The following RBM26 variants were observed in gnomAD, a reference collection of about 807,000 sequenced individuals.
RBM26 encodes the protein RNA-binding protein 26.
In RBM26, 30 loss-of-function variants were observed where a neutral mutation model predicts 123.6. That is an observed-to-expected ratio of 0.24 (90% CI 0.18 to 0.33). The LOEUF (loss-of-function observed/expected upper bound fraction) is 0.33, where lower values mean the gene tolerates loss of function less well. Ranked by LOEUF, RBM26 falls within the 10% of genes least tolerant of loss-of-function variation. RBM26 has a pLI of 1.00. For synonymous variants in RBM26, 400 were observed against 404.4 expected, an observed-to-expected ratio of 0.99 and a Z score of 0.13; for missense variants, 947 against 1,203.6, an observed-to-expected ratio of 0.79 and a Z score of 3.15.
intron 1 of RBM26, among the ~76,000 whole-genome samples, chr13:79,392,066 A>G (rs1214622435): frequency 1.4e-5 from 2 of 138,938 alleles, no homozygotes; most frequent in Admixed American, 1.5e-4. Flanking sequence ...ATAATTATGT[A>G]TTATACAATA....
chr13:79,328,033 G>A (rs2138614446), intron 20 of RBM26, among the ~76,000 whole-genome samples: 1 of 152,246 alleles, frequency 6.6e-6, no homozygotes, highest in South Asian at 2.1e-4. Flanking sequence ...TGAAGAACTT[G>A]AAAGACAATG....
chr13:79,345,916 T>A (rs1334925296), intron 14 of RBM26, among the ~76,000 whole-genome samples: 1 of 151,844 alleles, frequency 6.6e-6, no homozygotes, highest in Non-Finnish European at 1.5e-5. Context: ...TTCCACGGGG[T>A]GACTGGTTAC....
At chr13:79,373,941 AG>A (rs1437346978) in intron 3 of RBM26, among the ~76,000 whole-genome samples, 3 of 139,186 alleles carry the variant, frequency 2.2e-5, no homozygotes, top group Non-Finnish European at 1.5e-5. Flanking sequence ...CCTCAACAAC[AG>A]GAACGACAGG....
chr13:79,353,200 C>A lies in RBM26; in HGVS notation c.2011G>T (p.Asp671Tyr), dbSNP rs764000941. 1.3e-5 allele frequency: 21 copies of A among 1,587,440 alleles called. No individual in the cohort carries two copies. The highest frequency in any genetic ancestry group is 1.7e-5 in the Admixed American group (1 of 57,634). Residue 671 changes from aspartate to tyrosine, a missense_variant, in exon 14 of 22, where the codon GAC (aspartate) becomes TAC (tyrosine). Transcript: ENST00000438737. The part of the protein sequence containing the change: ...PQNVTKLSVK[D>Y]RLGFVSKPSV... ...GGCTTTGATACAAAACCCAACCTGT[C>A]CTTCACAGATAACTTAGTTACATTC...
chr13:79,334,256 A>G, intron 20 of RBM26, 88 bp downstream of exon 20: 1 of 710,436 alleles, frequency 1.4e-6, no homozygotes, highest in Non-Finnish European at 2.3e-6. Flanking sequence ...ATTATTTAGT[A>G]AGTTAAAAAA....
intron 6 of RBM26, among the ~76,000 whole-genome samples, chr13:79,367,447 A>C (rs2075413379): frequency 1.3e-5 from 2 of 148,724 alleles, no homozygotes; most frequent in Non-Finnish European, 3.0e-5. Context: ...AAGAAGAGGC[A>C]AAAGAGAGAA....
chr13:79,337,411 C>G (rs922114290), intron 18 of RBM26, 109 bp from the exon 19 acceptor site: 1 of 1,223,348 alleles, frequency 8.2e-7, no homozygotes, highest in Non-Finnish European at 1.2e-6. Context: ...ACAATGTATT[C>G]AAATGCCCTA....
At chr13:79,399,499 A>G (rs1247830487) in intron 1 of RBM26, among the ~76,000 whole-genome samples, 1 of 152,222 alleles carries the variant, frequency 6.6e-6, no homozygotes, top group African/African-American at 2.4e-5. Context: ...CTTTGCTGAA[A>G]TTAAGACTCA....
intron 1 of RBM26, among the ~76,000 whole-genome samples, chr13:79,402,191 C>T (rs1384048607): frequency 6.6e-6 from 1 of 151,644 alleles, no homozygotes; most frequent in Non-Finnish European, 1.5e-5. Context: ...AGAAAAAAGA[C>T]TAACATTTAG....
chr13:79,379,586 T>C (rs1391309183), intron 1 of RBM26, among the ~76,000 whole-genome samples: 1 of 151,656 alleles, frequency 6.6e-6, no homozygotes, highest in Non-Finnish European at 1.5e-5. Context: ...GCAGTTGCCT[T>C]TTACAAAATA....
At chr13:79,373,835 A>G (rs1056898302) in intron 3 of RBM26, among the ~76,000 whole-genome samples, 1 of 148,064 alleles carries the variant, frequency 6.8e-6, no homozygotes, top group Non-Finnish European at 1.5e-5. Flanking sequence ...GTTTCCTACA[A>G]GGTGCCTCCA....
At chr13:79,384,684 T>TAC (rs1417692736) in intron 1 of RBM26, among the ~76,000 whole-genome samples, 1 of 152,128 alleles carries the variant, frequency 6.6e-6, no homozygotes, top group East Asian at 1.9e-4. Context: ...GAGAGGGAAG[T>TAC]ACACACACTA....
chr13:79,389,222 A>G (rs922900279), intron 1 of RBM26, among the ~76,000 whole-genome samples: 1 of 152,216 alleles, frequency 6.6e-6, no homozygotes, highest in Non-Finnish European at 1.5e-5. Flanking sequence ...GGAACTACTT[A>G]TAATGCAATA....
At chr13:79,369,092 T>A (rs1036328634) in intron 5 of RBM26, 102 bp from the exon 6 acceptor site, 14 of 690,646 alleles carry the variant, frequency 2.0e-5, no homozygotes, top group Middle Eastern at 4.5e-4. Context: ...AGAAAAAAAA[T>A]TTTAAATTTT....
At chr13:79,326,004 T>G (rs984973386) in intron 20 of RBM26, among the ~76,000 whole-genome samples, 14 of 152,188 alleles carry the variant, frequency 9.2e-5, no homozygotes, top group African/African-American at 3.4e-4. Flanking sequence ...AATGCCAGAG[T>G]TTCGTAGCCT....
At chr13:79,376,907 A>C (rs1288584952) in intron 3 of RBM26, 1 of 152,782 alleles carries the variant, frequency 6.5e-6, no homozygotes, top group Non-Finnish European at 1.5e-5. Context: ...CTATGCCTGA[A>C]TTAGTTATGA....
intron 10 of RBM26, among the ~76,000 whole-genome samples, chr13:79,358,851 G>GTC (rs1393330156): frequency 1.3e-5 from 2 of 152,018 alleles, no homozygotes; most frequent in African/African-American, 4.8e-5. Flanking sequence ...TTTGATGACA[G>GTC]TCTCAACCTC....
intron 14 of RBM26, among the ~76,000 whole-genome samples, chr13:79,350,225 T>C (rs2073035286): frequency 6.6e-6 from 1 of 152,160 alleles, no homozygotes; most frequent in South Asian, 2.1e-4. Flanking sequence ...CAAGATATAT[T>C]TTTACATTGC....
Position 79,359,730 on chromosome 13 carries a change from A to G in RBM26, c.1418-44T>C, listed in dbSNP as rs368299979. The G allele has an allele frequency of 1.7e-4, 181 of 1,082,264 alleles. 2 individuals carry two copies. In the South Asian group the frequency reaches 2.8e-3, roughly 17 times the overall value. The allele number at this position is 1,082,264 out of a possible 1,614,324, so 67.0% of individuals were successfully genotyped here. A position where few individuals can be genotyped will look rare whatever the true frequency, so the allele number is the denominator to read the frequency against. On this transcript the variant is annotated intron_variant, in intron 9 of 21. Coordinates refer to ENST00000438737, the MANE Select transcript of RBM26 (RefSeq NM_001366735.2). ...AAATGAAAAAAATAAGCATAGGTTA[A>G]TATTTTCTATTTATCATAGATACCT... is the stretch of plus-strand genomic sequence containing the variant.
Sources: gnomAD v4.1 joint callset for allele counts (sites outside exome capture counted in the v4.1 genomes callset) on GRCh38, gnomAD v4.1.1 for gene constraint, MANE v1.5 for transcripts, NCBI Gene and HGNC (gene_info 2026-07-23, HGNC 2026-07-21) for gene names.